RNGTT: variants seen among roughly 807,000 people sequenced by gnomAD.
RNGTT encodes the protein RNA guanylyltransferase and 5'-phosphatase.
Under a neutral mutation model 79.3 loss-of-function variants are expected in RNGTT, and 33 were observed. That is an observed-to-expected ratio of 0.42 (90% confidence interval 0.32 to 0.56). The LOEUF is 0.56. Ranked by LOEUF, RNGTT falls within the 20% of genes least tolerant of loss-of-function variation. The pLI is 0.17. For synonymous variants in RNGTT, 222 were observed against 235.9 expected (o/e 0.94, Z 0.54); for missense variants, 497 against 739.1 (o/e 0.67, Z 3.80).
intron 13 of RNGTT, among the ~76,000 whole-genome samples, chr6:88,726,598 T>C (rs928036683): frequency 4.6e-5 from 7 of 152,258 alleles, no homozygotes; most frequent in Non-Finnish European, 8.8e-5. Flanking sequence ...GGAGGATAGA[T>C]GGTTCCTCCT....
intron 13 of RNGTT, among the ~76,000 whole-genome samples, chr6:88,716,877 T>A (rs1381973436): frequency 1.3e-5 from 2 of 151,986 alleles, no homozygotes; most frequent in Non-Finnish European, 2.9e-5. Flanking sequence ...AAATGACGAG[T>A]TACTGGGTGC....
In RNGTT at chr6:88,647,583, GC is replaced by G. The variant is rs1046951320; in HGVS notation, c.1506+30769del. 1.4e-3 allele frequency among the ~76,000 whole-genome samples: 212 copies of G among 151,714 alleles called. 1 individual carries two copies. The highest frequency in any genetic ancestry group is 3.4e-3 in the Middle Eastern group (1 of 294). ...AAAAATTAGCTGGGCATGGTGGCAT[GC>G]ACCTGTAGTCCCAGCTACTCAGGAG... On this transcript the variant is annotated intron_variant, in intron 14 of 15. Coordinates refer to ENST00000369485, the MANE Select transcript of RNGTT (RefSeq NM_003800.5).
At chr6:88,645,555 C>A (rs985711473) in intron 14 of RNGTT, among the ~76,000 whole-genome samples, 4 of 152,136 alleles carry the variant, frequency 2.6e-5, no homozygotes, top group African/African-American at 9.7e-5. Context: ...AGACAATCCT[C>A]AGCCAAAAGA....
chr6:88,948,577 C>T (rs1325032176), intron 1 of RNGTT, among the ~76,000 whole-genome samples: 3 of 148,330 alleles, frequency 2.0e-5, no homozygotes, highest in Non-Finnish European at 4.5e-5. Context: ...AGTGAGTAGC[C>T]CCTCTGCCCG....
At chr6:88,754,208 A>G (rs568590719) in intron 13 of RNGTT, among the ~76,000 whole-genome samples, 1 of 152,306 alleles carries the variant, frequency 6.6e-6, no homozygotes, top group African/African-American at 2.4e-5. Flanking sequence ...AAAGTGAGGT[A>G]TGAAATTCGA....
At chr6:88,728,151 CTTCTA>C (rs1257869495) in intron 13 of RNGTT, among the ~76,000 whole-genome samples, 2 of 152,252 alleles carry the variant, frequency 1.3e-5, no homozygotes, top group African/African-American at 2.4e-5. Context: ...CTCTCTCTTT[CTTCTA>C]TTCTAATACT....
intron 13 of RNGTT, among the ~76,000 whole-genome samples, chr6:88,768,081 C>T (rs1467901735): frequency 6.6e-6 from 1 of 151,846 alleles, no homozygotes; most frequent in Non-Finnish European, 1.5e-5. Context: ...GATAATTGTT[C>T]TAACAACTTT....
intron 14 of RNGTT, among the ~76,000 whole-genome samples, chr6:88,629,522 C>T (rs73752981): frequency 0.025 from 3,755 of 152,194 alleles, 141 homozygotes; most frequent in African/African-American, 0.085. Context: ...TCCCTCCTTC[C>T]CCACTTCCTA....
At chr6:88,721,899 A>T (rs76697388) in intron 13 of RNGTT, among the ~76,000 whole-genome samples, 3,094 of 152,004 alleles carry the variant, frequency 0.02, 115 homozygotes, top group African/African-American at 0.069. Context: ...GGAGTTTTCT[A>T]TCATTATCAT....
At chr6:88,778,634 GT>G (rs1311706150) in intron 12 of RNGTT, among the ~76,000 whole-genome samples, 1 of 152,048 alleles carries the variant, frequency 6.6e-6, no homozygotes, top group African/African-American at 2.4e-5. Flanking sequence ...GAGACGAAGG[GT>G]GCAATCCATT....
In RNGTT at chr6:88,713,763, C is replaced by T. The variant is rs919077472; in HGVS notation, c.1440-35344G>A. Among the ~76,000 whole-genome samples the T allele has an allele frequency of 7.2e-5, 11 of 152,096 alleles. No individual in the cohort carries two copies. In the Middle Eastern group the frequency reaches 0.01, roughly 141 times the overall value. On this transcript the variant is annotated intron_variant, in intron 13 of 15. Coordinates refer to ENST00000369485, the MANE Select transcript of RNGTT (RefSeq NM_003800.5). ...TTTTTAAAATTATTGTCTTGTATTACGGGCTTTTTATTACGCTACATATGA... is the reference window on the plus strand; with the variant it reads ...TTTTTAAAATTATTGTCTTGTATTATGGGCTTTTTATTACGCTACATATGA...
At chr6:88,690,680 A>G (rs1355088516) in intron 13 of RNGTT, among the ~76,000 whole-genome samples, 3 of 152,150 alleles carry the variant, frequency 2.0e-5, no homozygotes, top group Non-Finnish European at 4.4e-5. Flanking sequence ...ACTGCAGTCC[A>G]GCCTCGGTGA....
At chr6:88,890,650 C>A in intron 7 of RNGTT, 54 bp from the exon 8 acceptor site, 1 of 1,225,498 alleles carries the variant, frequency 8.2e-7, no homozygotes, top group Non-Finnish European at 1.2e-6. Context: ...CAAAGCAATA[C>A]ATGTCTTAAA....
At chr6:88,748,342 A>C (rs542869219) in intron 13 of RNGTT, among the ~76,000 whole-genome samples, 2 of 152,170 alleles carry the variant, frequency 1.3e-5, no homozygotes, top group African/African-American at 4.8e-5. Context: ...ATCTCTTGCC[A>C]CACAGGCTCC....
At chr6:88,792,819 T>G (rs1022869490) in intron 12 of RNGTT, among the ~76,000 whole-genome samples, 1 of 151,928 alleles carries the variant, frequency 6.6e-6, no homozygotes, top group Non-Finnish European at 1.5e-5. Flanking sequence ...AAGGAAAAAA[T>G]AACAAAGGCT....
At chr6:88,778,591 A>G (rs1778966403) in intron 12 of RNGTT, among the ~76,000 whole-genome samples, 1 of 152,192 alleles carries the variant, frequency 6.6e-6, no homozygotes, top group Admixed American at 6.5e-5. Flanking sequence ...CCTGAGTTTA[A>G]GCAATTCTCC....
At chr6:88,637,416 T>C (rs1442432141) in intron 14 of RNGTT, among the ~76,000 whole-genome samples, 1 of 152,122 alleles carries the variant, frequency 6.6e-6, no homozygotes, top group Non-Finnish European at 1.5e-5. Flanking sequence ...AAGGCTGGCT[T>C]TTCCATGAGG....
chr6:88,960,931 T>A (rs1382786581), intron 1 of RNGTT, among the ~76,000 whole-genome samples: 1 of 152,202 alleles, frequency 6.6e-6, no homozygotes, highest in Admixed American at 6.5e-5. Flanking sequence ...GAAATTACTG[T>A]GATGGTTAAT....
At chr6:88,675,410 G>T (rs969426147) in intron 14 of RNGTT, among the ~76,000 whole-genome samples, 1 of 152,142 alleles carries the variant, frequency 6.6e-6, no homozygotes, top group African/African-American at 2.4e-5. Context: ...AGAAAAAGCA[G>T]GCCAGGGGTG....
Sources: gnomAD v4.1 joint callset for allele counts (sites outside exome capture counted in the v4.1 genomes callset) on GRCh38, gnomAD v4.1.1 for gene constraint, MANE v1.5 for transcripts, NCBI Gene and HGNC (gene_info 2026-07-23, HGNC 2026-07-21) for gene names.